Variants in GAS2 observed in about 807,000 individuals in gnomAD.
GAS2 encodes the protein growth arrest-specific protein 2.
In GAS2, 20 loss-of-function variants were observed where a neutral mutation model predicts 37.5. The ratio of observed to expected loss-of-function variants is 0.53; its 90% CI spans 0.37 to 0.77. The LOEUF (loss-of-function observed/expected upper bound fraction) is 0.77. Among genes scored for constraint, GAS2 ranks in the 30% least tolerant of loss-of-function variants. The pLI, the probability that GAS2 is intolerant of heterozygous loss-of-function variation, is 0.00. For synonymous variants in GAS2, 144 were observed against 132.2 expected, an observed-to-expected ratio of 1.09 and a Z score of -0.61; for missense variants, 336 against 373.4, an observed-to-expected ratio of 0.90 and a Z score of 0.82.
upstream of GAS2, among the ~76,000 whole-genome samples, chr11:22,665,382 T>C (rs1848966979): frequency 6.6e-6 from 1 of 152,164 alleles, no homozygotes; most frequent in African/African-American, 2.4e-5. Flanking sequence ...AAATTCTTTG[T>C]TGGGGCTCTA....
intron 1 of GAS2, among the ~76,000 whole-genome samples, chr11:22,671,203 T>C (rs1036147107): frequency 1.3e-5 from 2 of 152,108 alleles, no homozygotes; most frequent in African/African-American, 4.8e-5. Flanking sequence ...TCACTTCTAC[T>C]ATGGAAAGAA....
At chr11:22,630,314 T>C (rs868469773) in intron 1 of GAS2, among the ~76,000 whole-genome samples, 2 of 152,176 alleles carry the variant, frequency 1.3e-5, no homozygotes, top group African/African-American at 2.4e-5. Context: ...TTTTTGTTCT[T>C]GCGCTAGTTT....
chr11:22,685,673 G>A lies in GAS2; in HGVS notation c.151G>A (p.Glu51Lys), dbSNP rs1849905183. The A allele has an allele frequency of 6.2e-7, 1 of 1,611,910 alleles. No individual in the cohort carries two copies. The highest frequency in any genetic ancestry group is 8.5e-7 in the Non-Finnish European group (1 of 1,179,190). ...ALWLTNLLGK[E>K]ITAETFMEKL... ...GCTTCTTTTTGTTATTTCAGGGAAG[G>A]AGATTACAGCAGAAACTTTTATGGA... The change falls in exon 3 of 8, where the codon GAG (glutamate) becomes AAG (lysine). Residue 51 changes from glutamate to lysine, a missense_variant. Coordinates refer to ENST00000454584, the MANE Select transcript of GAS2 (RefSeq NM_001143830.3).
At chr11:22,686,756 T>A (rs1849979241) in intron 3 of GAS2, among the ~76,000 whole-genome samples, 1 of 151,328 alleles carries the variant, frequency 6.6e-6, no homozygotes, top group Non-Finnish European at 1.5e-5. Context: ...TCTAAAAAAA[T>A]AATAAAATAA....
At chr11:22,789,303 T>TATATATATATATATATATATATACAC (rs1350750428) in intron 7 of GAS2, among the ~76,000 whole-genome samples, 5 of 111,118 alleles carry the variant, frequency 4.5e-5, no homozygotes, top group African/African-American at 1.9e-4. Flanking sequence ...TATATATATA[T>TATATATATATATATATATATATACAC]ACACACACAC....
intron 4 of GAS2, among the ~76,000 whole-genome samples, chr11:22,734,428 T>G (rs371640142): frequency 6.6e-6 from 1 of 151,670 alleles, no homozygotes; most frequent in Non-Finnish European, 1.5e-5. Context: ...ACATTTAAAA[T>G]ATACTCATTA....
At chr11:22,652,359 T>C (rs1848788663) in intron 1 of GAS2, among the ~76,000 whole-genome samples, 1 of 152,206 alleles carries the variant, frequency 6.6e-6, no homozygotes, top group Non-Finnish European at 1.5e-5. Context: ...CTGCAGAGAT[T>C]ACTGCTGTCT....
intron 3 of GAS2, among the ~76,000 whole-genome samples, chr11:22,720,972 C>T (rs1203343945): frequency 6.6e-6 from 1 of 151,974 alleles, no homozygotes; most frequent in Non-Finnish European, 1.5e-5. Context: ...AAATATATTA[C>T]CTTCAAGGCA....
intron 6 of GAS2, among the ~76,000 whole-genome samples, chr11:22,753,765 A>G (rs1258156992): frequency 2.0e-5 from 3 of 152,150 alleles, no homozygotes; most frequent in Non-Finnish European, 4.4e-5. Context: ...GCAATGGCAT[A>G]AACATATTTT....
At chr11:22,743,443 G>A (rs1220598244) in intron 5 of GAS2, among the ~76,000 whole-genome samples, 1 of 151,998 alleles carries the variant, frequency 6.6e-6, no homozygotes, top group Non-Finnish European at 1.5e-5. Context: ...GGCACATGAA[G>A]TACACTATTT....
chr11:22,641,413 A>G (rs1848628938), intron 1 of GAS2, among the ~76,000 whole-genome samples: 1 of 150,646 alleles, frequency 6.6e-6, no homozygotes, highest in African/African-American at 2.4e-5. Flanking sequence ...TTTGTTACAT[A>G]CATATACATG....
chr11:22,764,330 G>A (rs1000230425), intron 7 of GAS2, among the ~76,000 whole-genome samples: 151 of 152,072 alleles, frequency 9.9e-4, no homozygotes, highest in Non-Finnish European at 1.5e-3. Context: ...GGAGGCCGAG[G>A]CGGGCGGATC....
chr11:22,661,728 A>G (rs966731731), upstream of GAS2, among the ~76,000 whole-genome samples: 1 of 152,202 alleles, frequency 6.6e-6, no homozygotes, highest in Non-Finnish European at 1.5e-5. Context: ...GTGACATTAC[A>G]TTGCATCAAG....
At chr11:22,682,568 T>C (rs577660138) in intron 2 of GAS2, among the ~76,000 whole-genome samples, 9 of 152,178 alleles carry the variant, frequency 5.9e-5, no homozygotes, top group African/African-American at 1.9e-4. Flanking sequence ...TTCTGTAATT[T>C]TGTGAAATAA....
At chr11:22,792,794 T>C (rs1856235402) in intron 7 of GAS2, among the ~76,000 whole-genome samples, 1 of 152,234 alleles carries the variant, frequency 6.6e-6, no homozygotes, top group Non-Finnish European at 1.5e-5. Context: ...TGTTTAATTC[T>C]TCTGGACTTC....
upstream of GAS2, among the ~76,000 whole-genome samples, chr11:22,666,025 C>A (rs147777476): frequency 3.0e-4 from 45 of 152,362 alleles, no homozygotes; most frequent in African/African-American, 8.9e-4. Context: ...GGGATCAGCA[C>A]ACTCAGCAAG....
upstream of GAS2, among the ~76,000 whole-genome samples, chr11:22,662,099 A>G (rs547819026): frequency 6.6e-6 from 1 of 152,330 alleles, no homozygotes; most frequent in Admixed American, 6.5e-5. Context: ...TTTGAAAGCC[A>G]CTGCAGTAGT....
chr11:22,789,281 C>CATATATATATATATATATAT (rs1210684540), intron 7 of GAS2, among the ~76,000 whole-genome samples: 3 of 109,872 alleles, frequency 2.7e-5, no homozygotes, highest in African/African-American at 1.1e-4. Flanking sequence ...GCCTAGATTT[C>CATATATATATATATATATAT]ATATATATAT....
At chr11:22,713,133 A>G (rs1851494292) in intron 3 of GAS2, among the ~76,000 whole-genome samples, 2 of 151,614 alleles carry the variant, frequency 1.3e-5, no homozygotes, top group African/African-American at 2.4e-5. Context: ...GATACAGATG[A>G]AAAAGTCTCC....
Sources: gnomAD v4.1 joint callset for allele counts (sites outside exome capture counted in the v4.1 genomes callset) on GRCh38, gnomAD v4.1.1 for gene constraint, MANE v1.5 for transcripts, NCBI Gene and HGNC (gene_info 2026-07-23, HGNC 2026-07-21) for gene names.